Variants in EFCAB11 observed in about 807,000 individuals in gnomAD.
EFCAB11 encodes EF-hand calcium-binding domain-containing protein 11.
Under a neutral mutation model 23.0 loss-of-function variants are expected in EFCAB11, and 14 were observed. That is an observed-to-expected ratio of 0.61 (90% CI 0.40 to 0.95). The LOEUF is 0.95. Among genes scored for constraint, EFCAB11 ranks in the 40% least tolerant of loss-of-function variants. The pLI is 0.00. For synonymous variants in EFCAB11, 65 were observed against 66.6 expected, an observed-to-expected ratio of 0.98 and a Z score of 0.11; for missense variants, 198 against 195.8, an observed-to-expected ratio of 1.01 and a Z score of -0.07.
At chr14:89,935,362 CTAG>C (rs964932458) in intron 3 of EFCAB11, among the ~76,000 whole-genome samples, 6 of 147,660 alleles carry the variant, frequency 4.1e-5, no homozygotes, top group African/African-American at 1.0e-4. Flanking sequence ...GATGTTATTT[CTAG>C]TTTTTAGCAA....
intron 5 of EFCAB11, chr14:89,836,326 T>A: frequency 3.3e-6 from 1 of 300,622 alleles, no homozygotes; most frequent in Admixed American, 4.2e-5. Context: ...AGGAGATATG[T>A]CCATCCAAAG....
intron 5 of EFCAB11, among the ~76,000 whole-genome samples, chr14:89,893,037 T>C (rs1889030144): frequency 6.6e-6 from 1 of 151,632 alleles, no homozygotes; most frequent in Non-Finnish European, 1.5e-5. Flanking sequence ...TGACCACGAA[T>C]GAGATAGTGG....
chr14:89,899,581 C>A (rs1042899433), intron 5 of EFCAB11, among the ~76,000 whole-genome samples: 1 of 152,152 alleles, frequency 6.6e-6, no homozygotes, highest in Non-Finnish European at 1.5e-5. Flanking sequence ...ATTTCTGTGA[C>A]TCACACATAA....
intron 5 of EFCAB11, among the ~76,000 whole-genome samples, chr14:89,901,705 A>G (rs960008758): frequency 2.4e-4 from 37 of 152,214 alleles, no homozygotes; most frequent in African/African-American, 8.4e-4. Flanking sequence ...ACATAAATAT[A>G]TAATACAATA....
intron 3 of EFCAB11, among the ~76,000 whole-genome samples, chr14:89,942,597 T>C (rs999544714): frequency 3.9e-5 from 6 of 152,162 alleles, no homozygotes; most frequent in African/African-American, 1.4e-4. Context: ...AGACTATAAA[T>C]CAGAACCAAC....
Position 89,828,597 on chromosome 14 carries a change from G to A in EFCAB11, c.411-31273C>T, listed in dbSNP as rs983406700. ...CTAAAAACATAGTGTTCGGTTTTTTGTATGTACTGGCTATGAAGCAATGAG... is the reference window on the plus strand; with the variant it reads ...CTAAAAACATAGTGTTCGGTTTTTTATATGTACTGGCTATGAAGCAATGAG... On this transcript the variant is annotated intron_variant, in intron 5 of 5. Transcript: ENST00000316738. 2.0e-5 allele frequency among the ~76,000 whole-genome samples: 3 copies of A among 152,204 alleles called. No individual in the cohort carries two copies. In the South Asian group the frequency reaches 6.2e-4, roughly 32 times the overall value.
At chr14:89,870,313 C>T (rs1051970414) in intron 5 of EFCAB11, among the ~76,000 whole-genome samples, 1 of 152,088 alleles carries the variant, frequency 6.6e-6, no homozygotes, top group African/African-American at 2.4e-5. Context: ...AAGGTAAAAC[C>T]TTGAACATCT....
intron 5 of EFCAB11, among the ~76,000 whole-genome samples, chr14:89,815,922 T>C (rs898358315): frequency 2.0e-5 from 3 of 152,192 alleles, no homozygotes; most frequent in Non-Finnish European, 4.4e-5. Context: ...TTTTTGTGAA[T>C]AATGTCATTG....
intron 5 of EFCAB11, among the ~76,000 whole-genome samples, chr14:89,874,257 G>A (rs368923311): frequency 6.6e-6 from 1 of 152,128 alleles, no homozygotes; most frequent in East Asian, 1.9e-4. Flanking sequence ...GGGATGCAGG[G>A]CACCAAGTCC....
chr14:89,912,112 G>A (rs1211539825), intron 5 of EFCAB11, among the ~76,000 whole-genome samples: 1 of 152,216 alleles, frequency 6.6e-6, no homozygotes, highest in Non-Finnish European at 1.5e-5. Context: ...AAAGAAGGCA[G>A]TGGCTAATCA....
chr14:89,924,108 C>T, intron 5 of EFCAB11: 2 of 985,646 alleles, frequency 2.0e-6, no homozygotes, highest in Non-Finnish European at 2.4e-6. Flanking sequence ...AATTGCATTC[C>T]TAAGACCCAG....
At chr14:89,931,116 AACTCCAGCTGTTC>A (rs2139808610) in intron 5 of EFCAB11, 1 of 156,542 alleles carries the variant, frequency 6.4e-6, no homozygotes, top group East Asian at 1.9e-4. Flanking sequence ...ACCATCAGGC[AACTCCAGCTGTTC>A]TCTCCAGACA....
chr14:89,929,556 T>G (rs1055336502), intron 5 of EFCAB11, among the ~76,000 whole-genome samples: 2 of 152,110 alleles, frequency 1.3e-5, no homozygotes, highest in Admixed American at 6.5e-5. Context: ...CAGCTAATTT[T>G]TGTCTTTTTA....
In EFCAB11 at chr14:89,943,247, GT is replaced by G. The variant is rs35175946; in HGVS notation, c.217+6849del. Reference sequence around the variant, plus strand: ...AGGCCAAGGCCAGCATTTCAGACCTGTTTTTTTTTTTTTTTTGAAACAGGGT... The same window carrying G: ...AGGCCAAGGCCAGCATTTCAGACCTGTTTTTTTTTTTTTTTGAAACAGGGT... On this transcript the variant is annotated intron_variant, in intron 3 of 5. Transcript: ENST00000316738. Among the ~76,000 whole-genome samples the G allele has an allele frequency of 7.4e-3, 1,030 of 139,862 alleles. 6 individuals carry two copies. Among genetic ancestry groups the G allele is most frequent in the African/African-American group, 0.015 (576 of 38,448 alleles). The allele number at this position is 139,862 out of a possible 152,430, so 91.8% of individuals were successfully genotyped here.
At chr14:89,865,894 T>C (rs569652792) in intron 5 of EFCAB11, among the ~76,000 whole-genome samples, 1 of 152,052 alleles carries the variant, frequency 6.6e-6, no homozygotes, top group African/African-American at 2.4e-5. Context: ...TCTCGAACTC[T>C]TGACCTCAAG....
At position 89,808,498 on chromosome 14, in the gene EFCAB11, A is replaced by G. The variant is rs569434189; in HGVS notation, c.411-11174T>C. On this transcript the variant is annotated intron_variant, in intron 5 of 5. Transcript: ENST00000316738. ...AACAGCTTGTACTTTAATTTTCAAT[A>G]ATCCATTTGGGAAAATAAGATTTTA... Among the ~76,000 whole-genome samples the G allele has an allele frequency of 4.6e-5, 7 of 152,306 alleles. No individual in the cohort carries two copies. In the South Asian group the frequency reaches 1.0e-3, roughly 23 times the overall value.
intron 5 of EFCAB11, among the ~76,000 whole-genome samples, chr14:89,901,525 C>A (rs1340445120): frequency 1.3e-5 from 2 of 152,130 alleles, no homozygotes; most frequent in Non-Finnish European, 2.9e-5. Context: ...ATCTGTTGAA[C>A]TGAATTTAAC....
chr14:89,840,741 T>A (rs1341039156), intron 5 of EFCAB11, among the ~76,000 whole-genome samples: 2 of 152,206 alleles, frequency 1.3e-5, no homozygotes, highest in Non-Finnish European at 2.9e-5. Flanking sequence ...TAGGGATCTC[T>A]TAATGGCAGC....
At chr14:89,861,070 A>G (rs1887905244) in intron 5 of EFCAB11, among the ~76,000 whole-genome samples, 1 of 152,310 alleles carries the variant, frequency 6.6e-6, no homozygotes, top group Admixed American at 6.5e-5. Context: ...TCTTCTTGTC[A>G]TCTTGAAACA....
Sources: allele counts gnomAD v4.1 joint callset (sites outside exome capture counted in the v4.1 genomes callset), GRCh38; gene constraint gnomAD v4.1.1; transcripts MANE v1.5; gene names NCBI Gene and HGNC (gene_info 2026-07-23, HGNC 2026-07-21).